Variants in HNRNPC observed in about 807,000 individuals in gnomAD.
The protein encoded by HNRNPC is heterogeneous nuclear ribonucleoproteins C1/C2.
Under a neutral mutation model 33.2 loss-of-function variants are expected in HNRNPC, and 3 were observed. The observed-to-expected ratio is 0.09, with a 90% CI of 0.04 to 0.23. HNRNPC has a LOEUF of 0.23. Among genes scored for constraint, HNRNPC ranks in the 10% least tolerant of loss-of-function variants. The pLI, the probability that HNRNPC is intolerant of heterozygous loss-of-function variation, is 1.00. For missense variants in HNRNPC, 143 were observed against 366.7 expected (o/e 0.39, Z 4.98); for synonymous variants, 121 against 126.7 (o/e 0.96, Z 0.30).
chr14:21,252,610 G>A (rs534705699), intron 2 of HNRNPC, among the ~76,000 whole-genome samples: 2 of 152,258 alleles, frequency 1.3e-5, no homozygotes, highest in African/African-American at 4.8e-5. Context: ...ACCATGCCAG[G>A]CCTCTAAATA....
chr14:21,259,524 C>A (rs1877812412), intron 2 of HNRNPC, among the ~76,000 whole-genome samples: 2 of 152,024 alleles, frequency 1.3e-5, no homozygotes, highest in African/African-American at 2.4e-5. Context: ...TTAAAATATT[C>A]TTTTTCCCAC....
chr14:21,216,703 C>A (rs984624795), intron 5 of HNRNPC, among the ~76,000 whole-genome samples: 1 of 152,036 alleles, frequency 6.6e-6, no homozygotes, highest in Non-Finnish European at 1.5e-5. Context: ...AGTAAGACTC[C>A]GTCACAAAAC....
At position 21,228,197 on chromosome 14, in the gene HNRNPC, A is replaced by G. The variant is rs116773770; in HGVS notation, c.365+2122T>C. On this transcript the variant is annotated intron_variant, in intron 5 of 8. Coordinates refer to ENST00000553300, the MANE Select transcript of HNRNPC (RefSeq NM_004500.4). ...TCAGTGCCTTCAAGACACCTGACCA[A>G]TAATTAACCCATCTATGCCTAATGT... Among the ~76,000 whole-genome samples, 928 of 152,338 alleles carry G rather than the reference A, an allele frequency of 6.1e-3. 10 individuals are homozygous for G. Among genetic ancestry groups the G allele is most frequent in the African/African-American group, 0.022 (894 of 41,570 alleles).
intron 5 of HNRNPC, 39 bp from the exon 6 acceptor site, chr14:21,213,156 A>G: frequency 6.3e-7 from 1 of 1,594,492 alleles, no homozygotes; most frequent in Non-Finnish European, 8.6e-7. Context: ...TTCAAACCTA[A>G]CATTAACTCA....
intron 2 of HNRNPC, among the ~76,000 whole-genome samples, chr14:21,248,201 G>A (rs988949481): frequency 2.0e-5 from 3 of 151,956 alleles, no homozygotes; most frequent in Admixed American, 6.6e-5. Context: ...ATAAAATAAC[G>A]CCCAGGTAAC....
intron 5 of HNRNPC, among the ~76,000 whole-genome samples, chr14:21,226,718 GA>G (rs1197665475): frequency 6.6e-6 from 1 of 151,648 alleles, no homozygotes; most frequent in Non-Finnish European, 1.5e-5. Flanking sequence ...TGTCTCTACT[GA>G]AAATACAAAA....
intron 5 of HNRNPC, 69 bp downstream of exon 5, chr14:21,230,250 C>A: frequency 8.7e-7 from 1 of 1,155,630 alleles, no homozygotes; most frequent in Non-Finnish European, 1.3e-6. Context: ...TTCATCACCA[C>A]AAACCAGAAG....
intron 5 of HNRNPC, among the ~76,000 whole-genome samples, chr14:21,222,419 C>CAT (rs1892930084): frequency 6.6e-6 from 1 of 151,638 alleles, no homozygotes; most frequent in Non-Finnish European, 1.5e-5. Context: ...CTATTTTAGG[C>CAT]ATTCATATAA....
At chr14:21,213,502 TCA>T (rs1891840951) in intron 5 of HNRNPC, 1 of 173,898 alleles carries the variant, frequency 5.8e-6, no homozygotes. Context: ...AATAAACAAT[TCA>T]CATACGGTCA....
chr14:21,255,041 G>T (rs1233721440), intron 2 of HNRNPC, among the ~76,000 whole-genome samples: 2 of 152,098 alleles, frequency 1.3e-5, no homozygotes, highest in South Asian at 4.1e-4. Flanking sequence ...TTCTCGCTCT[G>T]AAGCTAGAAA....
intron 2 of HNRNPC, among the ~76,000 whole-genome samples, chr14:21,241,993 T>G (rs1895401925): frequency 6.6e-6 from 1 of 152,212 alleles, no homozygotes. Flanking sequence ...TACATGGTAC[T>G]ACTAGGTAGC....
intron 2 of HNRNPC, among the ~76,000 whole-genome samples, chr14:21,252,765 G>GCC (rs1234974083): frequency 3.9e-5 from 6 of 152,140 alleles, no homozygotes; most frequent in Admixed American, 1.3e-4. Flanking sequence ...GGAAGGGGGT[G>GCC]GATGGGGAGA....
intron 2 of HNRNPC, among the ~76,000 whole-genome samples, chr14:21,255,632 T>G (rs1189902702): frequency 3.9e-5 from 6 of 152,352 alleles, no homozygotes; most frequent in African/African-American, 1.4e-4. Flanking sequence ...ATTTTTAAGC[T>G]TTTTAATTAG....
intron 2 of HNRNPC, among the ~76,000 whole-genome samples, chr14:21,249,593 CA>C (rs756880620): frequency 0.14 from 11,883 of 83,504 alleles, 332 homozygotes; most frequent in African/African-American, 0.19. Context: ...GTCTCAAAAA[CA>C]AAAAAAAAAA....
chr14:21,218,704 A>AAC (rs1555351330), intron 5 of HNRNPC, among the ~76,000 whole-genome samples: 7 of 136,794 alleles, frequency 5.1e-5, no homozygotes, highest in African/African-American at 8.3e-5. Context: ...AAAAAAAAAA[A>AAC]AAAACTGAAA....
intron 2 of HNRNPC, among the ~76,000 whole-genome samples, chr14:21,240,159 T>C (rs1425402565): frequency 3.9e-5 from 6 of 152,170 alleles, no homozygotes; most frequent in South Asian, 2.1e-4. Flanking sequence ...TACAAGATTT[T>C]AATAGTAGTG....
chr14:21,264,768 C>T (rs1295680399), intron 1 of HNRNPC: 1 of 152,210 alleles, frequency 6.6e-6, no homozygotes. Flanking sequence ...GTGGCTCACA[C>T]CTGTAATCCC....
intron 2 of HNRNPC, among the ~76,000 whole-genome samples, chr14:21,260,369 TAAAAAAA>T (rs11345053): frequency 4.1e-5 from 5 of 122,210 alleles, no homozygotes; most frequent in South Asian, 2.6e-4. Context: ...CCGTCTTATT[TAAAAAAA>T]AAAAAAAAAA....
At chr14:21,250,079 C>T (rs888219090) in intron 2 of HNRNPC, among the ~76,000 whole-genome samples, 2 of 151,898 alleles carry the variant, frequency 1.3e-5, no homozygotes, top group African/African-American at 4.8e-5. Context: ...TACCTGTATA[C>T]TAAATTCATT....
Sources: allele counts gnomAD v4.1 joint callset (sites outside exome capture counted in the v4.1 genomes callset), GRCh38; gene constraint gnomAD v4.1.1; transcripts MANE v1.5; gene names NCBI Gene and HGNC (gene_info 2026-07-23, HGNC 2026-07-21).